MMP19: variants seen among roughly 807,000 people sequenced by gnomAD.
MMP19 encodes matrix metalloproteinase-19.
Under a neutral mutation model 46.6 loss-of-function variants are expected in MMP19, and 47 were observed. The observed-to-expected ratio is 1.01, with a 90% CI of 0.80 to 1.29. MMP19 has a LOEUF of 1.29. MMP19 is among the 50% of genes most tolerant of loss of function. The pLI, the probability that MMP19 is intolerant of heterozygous loss-of-function variation, is 0.00. For synonymous variants in MMP19, 222 were observed against 248.5 expected (o/e 0.89, Z 1.00); for missense variants, 589 against 643.5 (o/e 0.92, Z 0.92).
chr12:55,836,994 C>T lies in MMP19; in HGVS notation c.*42G>A, dbSNP rs1300905702. The T allele has an allele frequency of 4.7e-6, 7 of 1,497,252 alleles. No homozygotes were observed. The South Asian group carries it at 9.2e-5, about 20-fold the overall frequency. The allele number at this position is 1,497,252 out of a possible 1,614,324, so 92.7% of individuals were successfully genotyped here. On this transcript the variant is annotated 3_prime_UTR_variant, in exon 9 of 9. Transcript: ENST00000322569. ...GGAAATGAAAGGGTGGGTGGTGGAG[C>T]CTCAGGGGTTAATGTCCAAGATTGT... is the stretch of plus-strand genomic sequence containing the variant.
At chr12:55,841,510 T>TCTTCCTTCCTTCCTTCCTTC (rs10538119) in intron 2 of MMP19, 80 of 188,034 alleles carry the variant, frequency 4.3e-4, no homozygotes, top group East Asian at 3.7e-3. Context: ...TCTACTGCAA[T>TCTTCCTTCCTTCCTTCCTTC]CTTCCTTCCT....
chr12:55,841,389 T>G (rs1182193597), intron 2 of MMP19, 153 bp from the exon 3 acceptor site: 5 of 722,166 alleles, frequency 6.9e-6, no homozygotes, highest in African/African-American at 1.8e-5. Context: ...CCAGTCCTCA[T>G]AACTGGGACT....
At chr12:55,841,404 C>T (rs1489732145) in intron 2 of MMP19, 168 bp from the exon 3 acceptor site, 7 of 657,054 alleles carry the variant, frequency 1.1e-5, no homozygotes, top group Non-Finnish European at 1.8e-5. Flanking sequence ...GGGACTTTCT[C>T]TTCTGTTCTG....
At chr12:55,839,763 C>G (rs747319265) in intron 4 of MMP19, 22 bp from the exon 5 acceptor site, 21 of 1,599,934 alleles carry the variant, frequency 1.3e-5, no homozygotes, top group Non-Finnish European at 1.8e-5. Context: ...CAAAGGTGAA[C>G]AGGAAGGAGG....
intron 2 of MMP19, among the ~76,000 whole-genome samples, chr12:55,841,720 C>G (rs909708873): frequency 6.6e-6 from 1 of 152,106 alleles, no homozygotes; most frequent in African/African-American, 2.4e-5. Flanking sequence ...TGCCCAGCCC[C>G]TCTACTGCAA....
At position 55,842,727 on chromosome 12, in the gene MMP19, T is replaced by C. The variant is rs1192076461; in HGVS notation, c.87+17A>G. On this transcript the variant is annotated intron_variant, in intron 1 of 8. Transcript: ENST00000322569. ...CTGTCCCTCCGCTGGCCCAGGTCTC[T>C]TTCTTGGGGGACTTACCACAGGCGC... is the stretch of plus-strand genomic sequence containing the variant. 2.5e-6 allele frequency: 4 copies of C among 1,592,526 alleles called. No individual in the cohort carries two copies. The Admixed American group carries it at 7.0e-5, about 28-fold the overall frequency.
Position 55,836,993 on chromosome 12 carries a change from G to C in MMP19, c.*43C>G. The C allele has an allele frequency of 2.7e-6, 4 of 1,491,550 alleles. No homozygotes were observed. The highest frequency in any genetic ancestry group is 3.6e-6 in the Non-Finnish European group (4 of 1,107,816). 92.4% of individuals were successfully genotyped at this position (1,491,550 alleles called of 1,614,324 possible). ...GGGAAATGAAAGGGTGGGTGGTGGAGCCTCAGGGGTTAATGTCCAAGATTG... is the reference window on the plus strand; with the variant it reads ...GGGAAATGAAAGGGTGGGTGGTGGACCCTCAGGGGTTAATGTCCAAGATTG... On this transcript the variant is annotated 3_prime_UTR_variant, in exon 9 of 9. Transcript: ENST00000322569.
intron 5 of MMP19, 133 bp downstream of exon 5, chr12:55,839,363 G>T: frequency 8.8e-7 from 1 of 1,131,490 alleles, no homozygotes. Context: ...TGAAAATGAA[G>T]AAGCCTGAGT....
In MMP19 at chr12:55,836,328, T is replaced by A. The variant is rs1057481586; in HGVS notation, c.*708A>T. 5 of 152,204 alleles carry A rather than the reference T, an allele frequency of 3.3e-5. No individual in the cohort carries two copies. The highest frequency in any genetic ancestry group is 7.3e-5 in the Non-Finnish European group (5 of 68,040). The allele number at this position is 152,204 out of a possible 1,614,324, so 9.4% of individuals were successfully genotyped here. ...AAGAGCTAACCATCTTGACAAATCC[T>A]CTGTCCCCTAAAGATCTAATAGAGA... On this transcript the variant is annotated 3_prime_UTR_variant, in exon 9 of 9. Transcript: ENST00000322569.
intron 2 of MMP19, among the ~76,000 whole-genome samples, 176 bp downstream of exon 2, chr12:55,842,177 T>C (rs2136237779): frequency 6.6e-6 from 1 of 152,278 alleles, no homozygotes; most frequent in East Asian, 1.9e-4. Flanking sequence ...GTATTCCTCA[T>C]CTGTGAATCC....
chr12:55,841,764 G>C (rs559496398), intron 2 of MMP19, among the ~76,000 whole-genome samples: 8 of 152,156 alleles, frequency 5.3e-5, no homozygotes, highest in Admixed American at 3.3e-4. Flanking sequence ...GGAGGTGTCT[G>C]GCTCCCCTGC....
In MMP19 at chr12:55,836,871, G is replaced by A; in HGVS notation, c.*165C>T. The stretch of plus-strand genomic sequence containing the variant: ...GTGGCTGGAGTTGGAAGTGTTAGAG[G>A]CCTGAGATCTACGGTCTTGCGCCTG... On this transcript the variant is annotated 3_prime_UTR_variant, in exon 9 of 9. Coordinates refer to ENST00000322569, the MANE Select transcript of MMP19 (RefSeq NM_002429.6). 3.3e-6 allele frequency: 2 copies of A among 610,512 alleles called. No homozygotes were observed. Among genetic ancestry groups the A allele is most frequent in the Non-Finnish European group, 5.5e-6 (2 of 360,528 alleles). 37.8% of individuals were successfully genotyped at this position (610,512 alleles called of 1,614,324 possible).
At position 55,841,248 on chromosome 12, in the gene MMP19, A is replaced by C; in HGVS notation, c.174-12T>G. 1 of 1,610,222 alleles carries C rather than the reference A, an allele frequency of 6.2e-7. No individual in the cohort carries two copies. Among genetic ancestry groups the C allele is most frequent in the Non-Finnish European group, 8.5e-7 (1 of 1,179,034 alleles). ...CTTCCTGAAAAGCTCTGAAGGAGGG[A>C]GAGGGATGGGTCTACCAGGACAGGA... On this transcript the variant is annotated splice_polypyrimidine_tract_variant and intron_variant, in intron 2 of 8. Transcript: ENST00000322569.
At chr12:55,838,821 C>G in intron 5 of MMP19, 87 bp from the exon 6 acceptor site, 2 of 1,134,600 alleles carry the variant, frequency 1.8e-6, no homozygotes, top group Non-Finnish European at 2.5e-6. Context: ...CTCAGAGTCC[C>G]CATACAGAGG....
In MMP19 at chr12:55,841,166, G is replaced by A; in HGVS notation, c.244C>T (p.Gln82Ter). 2 of 1,613,902 alleles carry A rather than the reference G, an allele frequency of 1.2e-6. No homozygotes were observed. The highest frequency in any genetic ancestry group is 1.7e-6 in the Non-Finnish European group (2 of 1,179,996). ...LDDATRARMRQPRCGLEDPFN... is the reference protein window; with the variant it reads ...LDDATRARMR ...GGATCCTCTAGGCCACAACGAGGCT[G>A]CCTCATGCGGGCCCTTGTGGCATCA... is the stretch of plus-strand genomic sequence containing the variant. The change falls in exon 3 of 9, where the codon CAG becomes TAG. Residue 82 changes from glutamine (Q) to a stop codon, truncating the protein, a stop_gained. Coordinates refer to ENST00000322569, the MANE Select transcript of MMP19 (RefSeq NM_002429.6). LOFTEE classifies it high-confidence loss of function.
chr12:55,839,119 G>A (rs778854884), intron 5 of MMP19, among the ~76,000 whole-genome samples: 11 of 151,898 alleles, frequency 7.2e-5, no homozygotes, highest in Non-Finnish European at 1.3e-4. Context: ...GCGTGTGCCT[G>A]TAATCCCAGC....
intron 5 of MMP19, among the ~76,000 whole-genome samples, chr12:55,839,090 C>T (rs1351342952): frequency 6.6e-6 from 1 of 151,694 alleles, no homozygotes; most frequent in Non-Finnish European, 1.5e-5. Flanking sequence ...AATACAAAAA[C>T]AATTAGCTGG....
intron 8 of MMP19, 75 bp downstream of exon 8, chr12:55,837,480 C>T (rs1881322174): frequency 6.3e-6 from 10 of 1,598,142 alleles, no homozygotes; most frequent in Non-Finnish European, 7.7e-6. Context: ...TCCCTTCAAG[C>T]GCAAGCTTTG....
In MMP19 at chr12:55,842,843, C is replaced by A. The variant is rs370589430; in HGVS notation, c.-13G>T. 1 of 1,583,178 alleles carries A rather than the reference C, an allele frequency of 6.3e-7. No homozygotes were observed. The highest frequency in any genetic ancestry group is 8.6e-7 in the Non-Finnish European group (1 of 1,165,216). Reference sequence around the variant, plus strand: ...GCTGGCAGTTCATGGTCCCACCAGACGAGAGCTCCAGAGGCTGTCCGTGCC... The same window carrying A: ...GCTGGCAGTTCATGGTCCCACCAGAAGAGAGCTCCAGAGGCTGTCCGTGCC... On this transcript the variant is annotated 5_prime_UTR_variant, in exon 1 of 9. Coordinates refer to ENST00000322569, the MANE Select transcript of MMP19 (RefSeq NM_002429.6).
Sources: gnomAD v4.1 joint callset for allele counts (sites outside exome capture counted in the v4.1 genomes callset) on GRCh38, gnomAD v4.1.1 for gene constraint, MANE v1.5 for transcripts, NCBI Gene and HGNC (gene_info 2026-07-23, HGNC 2026-07-21) for gene names.